The following ERC2 variants were observed in gnomAD, a reference collection of about 807,000 sequenced individuals.
ERC2 encodes the protein ELKS/RAB6-interacting/CAST family member 2.
ERC2 carries 42 observed loss-of-function variants against 114.8 expected under a neutral mutation model. The observed-to-expected ratio is 0.37, with a 90% CI of 0.29 to 0.47. The LOEUF is 0.47. Among genes scored for constraint, ERC2 ranks in the 20% least tolerant of loss-of-function variants. The probability of loss-of-function intolerance (pLI) is 0.99; values close to 1 mark genes in which losing one functional copy is unlikely to be tolerated. For missense variants in ERC2, 939 were observed against 1,150.7 expected, an observed-to-expected ratio of 0.82 and a Z score of 2.66; for synonymous variants, 454 against 425.5, an observed-to-expected ratio of 1.07 and a Z score of -0.82.
At chr3:55,588,419 G>A (rs899945760) in intron 17 of ERC2, among the ~76,000 whole-genome samples, 1 of 152,150 alleles carries the variant, frequency 6.6e-6, no homozygotes, top group Non-Finnish European at 1.5e-5. Context: ...CAGAACAAAG[G>A]GATCCTAAAG....
chr3:56,139,741 AC>A (rs1422343893), intron 5 of ERC2, 65 bp from the exon 6 acceptor site: 29 of 1,481,132 alleles, frequency 2.0e-5, no homozygotes, highest in African/African-American at 4.2e-5. Context: ...ACATTGGACA[AC>A]TACTGATTTC....
chr3:56,145,010 A>T (rs1480273956), intron 5 of ERC2, among the ~76,000 whole-genome samples: 1 of 152,206 alleles, frequency 6.6e-6, no homozygotes, highest in East Asian at 1.9e-4. Context: ...GAATTACATC[A>T]CATGCTTTAT....
intron 2 of ERC2, among the ~76,000 whole-genome samples, chr3:56,343,186 T>TCACACACACACACACA (rs1222760029): frequency 6.7e-5 from 1 of 15,008 alleles, no homozygotes; most frequent in East Asian, 1.4e-3. Flanking sequence ...TCTCTCTCTC[T>TCACACACACACACACA]CTCTCTCACA....
intron 17 of ERC2, among the ~76,000 whole-genome samples, chr3:55,589,246 A>T (rs1304681252): frequency 1.3e-5 from 2 of 148,692 alleles, no homozygotes; most frequent in East Asian, 4.0e-4. Context: ...AGAGAGAGAG[A>T]AGGAGGTAAA....
intron 3 of ERC2, among the ~76,000 whole-genome samples, chr3:56,188,282 G>A (rs1013174927): frequency 2.6e-5 from 4 of 152,144 alleles, no homozygotes; most frequent in African/African-American, 7.2e-5. Context: ...CACATTCCTG[G>A]ATCTTTACAC....
intron 14 of ERC2, among the ~76,000 whole-genome samples, chr3:55,833,024 T>C (rs1430675346): frequency 1.3e-5 from 2 of 149,510 alleles, no homozygotes; most frequent in Non-Finnish European, 2.9e-5. Context: ...GAAGATGAAA[T>C]GAATGAAATG....
chr3:56,300,630 T>C (rs992505986), intron 2 of ERC2, among the ~76,000 whole-genome samples: 1 of 152,230 alleles, frequency 6.6e-6, no homozygotes, highest in African/African-American at 2.4e-5. Flanking sequence ...TAATACCACA[T>C]GCCATGCATG....
rs575034577 is a variant in ERC2, at chr3:56,043,892, TA to T, written c.1642-24862del. ...ATTAAGATTTGTCAGTAAGATCACT[TA>T]AAAAAAATCATTAAACTCTTCAGGA... On this transcript the variant is annotated intron_variant, in intron 7 of 17. Transcript: ENST00000288221. Among the ~76,000 whole-genome samples, 23 of 152,126 alleles carry T rather than the reference TA, an allele frequency of 1.5e-4. 1 individual carries two copies. The South Asian group carries it at 3.3e-3, about 22-fold the overall frequency.
intron 17 of ERC2, among the ~76,000 whole-genome samples, chr3:55,521,278 G>A (rs1025441356): frequency 6.6e-6 from 1 of 152,208 alleles, no homozygotes; most frequent in African/African-American, 2.4e-5. Flanking sequence ...CACTGCCTTA[G>A]GCCAGAGCAA....
At chr3:56,166,312 A>G (rs1445841633) in intron 4 of ERC2, among the ~76,000 whole-genome samples, 2 of 152,036 alleles carry the variant, frequency 1.3e-5, no homozygotes, top group African/African-American at 4.8e-5. Flanking sequence ...TTTACTCAGG[A>G]GATTGCTTGT....
intron 2 of ERC2, among the ~76,000 whole-genome samples, chr3:56,422,367 C>A: frequency 6.6e-6 from 1 of 152,118 alleles, no homozygotes; most frequent in East Asian, 1.9e-4. Context: ...TAATCTCCCT[C>A]ATTCCTTTGC....
chr3:55,664,887 G>A (rs1345021710), intron 17 of ERC2, among the ~76,000 whole-genome samples: 2 of 152,200 alleles, frequency 1.3e-5, no homozygotes, highest in Non-Finnish European at 2.9e-5. Flanking sequence ...ATTTGATGGA[G>A]AGAGGCAAGC....
chr3:55,968,720 G>A (rs1159985323), intron 12 of ERC2, among the ~76,000 whole-genome samples: 1 of 152,166 alleles, frequency 6.6e-6, no homozygotes, highest in African/African-American at 2.4e-5. Flanking sequence ...TGATAGGTCT[G>A]TGTAATTCTC....
intron 6 of ERC2, among the ~76,000 whole-genome samples, chr3:56,129,241 A>C (rs2149882854): frequency 6.6e-6 from 1 of 152,316 alleles, no homozygotes; most frequent in African/African-American, 2.4e-5. Context: ...CTGCTATTTA[A>C]CTTCACTCTT....
chr3:56,381,607 G>A (rs1237440461), intron 2 of ERC2, among the ~76,000 whole-genome samples: 1 of 151,800 alleles, frequency 6.6e-6, no homozygotes, highest in East Asian at 1.9e-4. Flanking sequence ...TCTTCTTAGT[G>A]TCTCAAAGAT....
intron 6 of ERC2, among the ~76,000 whole-genome samples, chr3:56,098,108 G>A (rs2078160384): frequency 2.0e-5 from 3 of 152,152 alleles, no homozygotes; most frequent in Admixed American, 2.0e-4. Flanking sequence ...GCCAAAGGGG[G>A]ATGAATATGT....
chr3:55,756,470 T>G (rs187586202), intron 14 of ERC2, among the ~76,000 whole-genome samples: 82 of 152,306 alleles, frequency 5.4e-4, no homozygotes, highest in African/African-American at 1.9e-3. Context: ...AATGGGAAAT[T>G]GGACATGACA....
At chr3:56,078,109 C>G (rs1576833345) in intron 7 of ERC2, among the ~76,000 whole-genome samples, 1 of 152,216 alleles carries the variant, frequency 6.6e-6, no homozygotes, top group Non-Finnish European at 1.5e-5. Context: ...GTATCCTAGA[C>G]AGCCCCTTTG....
At chr3:55,996,593 G>C (rs1443530198) in intron 10 of ERC2, among the ~76,000 whole-genome samples, 1 of 152,166 alleles carries the variant, frequency 6.6e-6, no homozygotes, top group African/African-American at 2.4e-5. Flanking sequence ...ACATCAGTAA[G>C]TTTTGAGGGA....
Sources: allele counts gnomAD v4.1 joint callset (sites outside exome capture counted in the v4.1 genomes callset), GRCh38; gene constraint gnomAD v4.1.1; transcripts MANE v1.5; gene names NCBI Gene and HGNC (gene_info 2026-07-23, HGNC 2026-07-21).